Variants in SEPTIN3 observed in about 807,000 individuals in gnomAD.
SEPTIN3 encodes septin 3, also known as neuronal-specific septin-3.
A neutral mutation model predicts 45.1 loss-of-function variants in SEPTIN3; 15 were observed. The observed-to-expected ratio is 0.33, with a 90% confidence interval of 0.22 to 0.51. The LOEUF (loss-of-function observed/expected upper bound fraction) is 0.51. SEPTIN3 is among the 20% of genes least tolerant of loss of function. The pLI, the probability that SEPTIN3 is intolerant of heterozygous loss-of-function variation, is 0.97. For synonymous variants in SEPTIN3, 148 were observed against 164.8 expected, an observed-to-expected ratio of 0.90 and a Z score of 0.78; for missense variants, 289 against 457.2, an observed-to-expected ratio of 0.63 and a Z score of 3.35.
At chr22:41,992,843 G>C (rs2078340801) in intron 9 of SEPTIN3, 80 bp downstream of exon 9, 1 of 936,974 alleles carries the variant, frequency 1.1e-6, no homozygotes, top group Admixed American at 2.0e-5. Context: ...ATAGGTCAAG[G>C]CACTGTCTCA....
intron 8 of SEPTIN3, 40 bp from the exon 9 acceptor site, chr22:41,992,624 C>T (rs750018206): frequency 3.6e-5 from 49 of 1,359,094 alleles, no homozygotes; most frequent in South Asian, 1.9e-4. Flanking sequence ...TGGAGGATGA[C>T]GGTGCACATG....
intron 2 of SEPTIN3, among the ~76,000 whole-genome samples, chr22:41,973,384 C>T (rs558045613): frequency 7.3e-5 from 11 of 151,652 alleles, no homozygotes; most frequent in Admixed American, 3.3e-4. Flanking sequence ...GGGCTGGGCA[C>T]GGTGGCTCAC....
intron 6 of SEPTIN3, among the ~76,000 whole-genome samples, chr22:41,988,812 G>A (rs1420127437): frequency 6.6e-6 from 1 of 152,106 alleles, no homozygotes; most frequent in African/African-American, 2.4e-5. Flanking sequence ...GACCTGTCAA[G>A]AAGTAGTCTG....
Position 41,994,937 on chromosome 22 carries a change from G to A in SEPTIN3, c.2505+223G>A, listed in dbSNP as rs1371532831. On this transcript the variant is annotated intron_variant, in intron 11 of 11. Transcript: ENST00000644076. This position sits in a 1 kb window ranked among gnomAD's most constrained non-coding sequence, Gnocchi z 4.2. The stretch of plus-strand genomic sequence containing the variant: ...TGTGTGTGTGTGACAGAGAGAGAGC[G>A]AGAGAGCCTGTGTGTGTGCATGCAG... The A allele has an allele frequency of 1.7e-5, 24 of 1,443,424 alleles. No homozygotes were observed. Among genetic ancestry groups the A allele is most frequent in the South Asian group, 4.2e-5 (3 of 71,976 alleles). The allele number at this position is 1,443,424 out of a possible 1,614,324, so 89.4% of individuals were successfully genotyped here.
intron 2 of SEPTIN3, among the ~76,000 whole-genome samples, chr22:41,977,853 A>G (rs778938254): frequency 1.3e-5 from 2 of 152,186 alleles, no homozygotes; most frequent in Non-Finnish European, 2.9e-5. Context: ...TTTGCTTAGC[A>G]TGGGAATGGA....
rs2078030103 is a variant in SEPTIN3 at position 41,976,808 on chromosome 22, G to A, written c.1504+3812G>A. 1 of 148,474 alleles carries A rather than the reference G, an allele frequency of 6.7e-6. No individual in the cohort carries two copies. The highest frequency in any genetic ancestry group is 1.5e-5 in the Non-Finnish European group (1 of 66,804). 9.2% of individuals were successfully genotyped at this position (148,474 alleles called of 1,614,324 possible). Reference sequence around the variant, plus strand: ...GTGCGGGTGGCAGCGGCGGCGGCTGGCGGCGGCGGCAACGGTGCGCGCGGA... The same window carrying A: ...GTGCGGGTGGCAGCGGCGGCGGCTGACGGCGGCGGCAACGGTGCGCGCGGA... On this transcript the variant is annotated intron_variant, in intron 2 of 11. Transcript: ENST00000644076. The surrounding 1 kb of genome is among the most constrained non-coding windows in gnomAD (Gnocchi z 5.8).
chr22:41,977,277 G>A (rs2078044271), intron 2 of SEPTIN3, among the ~76,000 whole-genome samples: 1 of 151,974 alleles, frequency 6.6e-6, no homozygotes, highest in African/African-American at 2.4e-5. Flanking sequence ...GCGGGGAGAC[G>A]CAGGGACCCA....
chr22:41,996,875 C>A, intron 11 of SEPTIN3, 27 bp from the exon 12 acceptor site: 1 of 1,613,180 alleles, frequency 6.2e-7, no homozygotes, highest in South Asian at 1.1e-5. Context: ...GTCTCCACAC[C>A]CTCAACCGTT....
At chr22:41,995,778 G>A in intron 11 of SEPTIN3, 1 of 956,316 alleles carries the variant, frequency 1.0e-6, no homozygotes, top group African/African-American at 1.8e-5. Flanking sequence ...GAGCTCACAG[G>A]CAGCCAATGT....
At position 41,973,848 on chromosome 22, in the gene SEPTIN3, G is replaced by A. The variant is rs551628429; in HGVS notation, c.1504+852G>A. Among the ~76,000 whole-genome samples the A allele has an allele frequency of 5.3e-3, 799 of 152,056 alleles. 3 individuals carry two copies. Among genetic ancestry groups the A allele is most frequent in the African/African-American group, 0.018 (754 of 41,458 alleles). ...ATACAAAAGTTAGCCAGGTGTGGTG[G>A]CACATGCCTGTAGTCCCAGCTACTT... On this transcript the variant is annotated intron_variant, in intron 2 of 11. Transcript: ENST00000644076.
Position 41,986,103 on chromosome 22 carries a change from A to G in SEPTIN3, c.1816A>G (p.Ile606Val), listed in dbSNP as rs757232820. ...KIPKTVEIKA[I>V]GHVIEEGGVK... ...CCCCAAGACAGTGGAGATCAAAGCT[A>G]TCGGGCATGGTGAGGACCAGGCAGG... Residue 606 changes from isoleucine (I) to valine (V), a missense_variant, in exon 4 of 12, where the codon ATC becomes GTC. By Grantham distance (29) the Ile-to-Val change is conservative (BLOSUM62 3). Around this residue, in one of 3 missense-constraint regions of SEPTIN3, gnomAD observed 200 missense variants for 315.1 expected, o/e 0.63. Coordinates refer to ENST00000644076, the MANE Select transcript of SEPTIN3 (RefSeq NM_001363845.2). 83 of 1,612,886 alleles carry G rather than the reference A, an allele frequency of 5.1e-5. No homozygotes were observed. The highest frequency in any genetic ancestry group is 3.8e-4 in the Admixed American group (23 of 59,990).
In SEPTIN3 at chr22:41,976,944, G is replaced by C. The variant is rs1246284046; in HGVS notation, c.1504+3948G>C. The C allele has an allele frequency of 6.1e-6, 5 of 824,636 alleles. No homozygotes were observed. In the South Asian group the frequency reaches 1.3e-4, roughly 22 times the overall value. 51.1% of individuals were successfully genotyped at this position (824,636 alleles called of 1,614,324 possible). A position where few individuals can be genotyped will look rare whatever the true frequency, so the allele number is the denominator to read the frequency against. ...CGCGGGCCGGGCGGGTGGGAGGAGA[G>C]CGCGAAGGGGCGAGGCCCGTTTGCA... is the stretch of plus-strand genomic sequence containing the variant. On this transcript the variant is annotated intron_variant, in intron 2 of 11. Transcript: ENST00000644076. This position sits in a 1 kb window ranked among gnomAD's most constrained non-coding sequence, Gnocchi z 5.8.
Position 41,994,405 on chromosome 22 carries a change from T to G in SEPTIN3, c.2411+64T>G. On this transcript the variant is annotated intron_variant, in intron 10 of 11. Transcript: ENST00000644076. This position sits in a 1 kb window ranked among gnomAD's most constrained non-coding sequence, Gnocchi z 4.2. ...GAATTATTTGGGGTCAGGGTCTATC[T>G]GTTCAGATTCACCTCCTGCATCTCC... 6.4e-7 allele frequency: 1 copy of G among 1,571,942 alleles called. No individual in the cohort carries two copies. Among genetic ancestry groups the G allele is most frequent in the Admixed American group, 1.7e-5 (1 of 59,792 alleles).
At chr22:41,973,038 G>A (rs2077974838) in intron 2 of SEPTIN3, 42 bp downstream of exon 2, 1 of 398,710 alleles carries the variant, frequency 2.5e-6, no homozygotes, top group East Asian at 3.6e-5. Flanking sequence ...AGGCTGCCGG[G>A]AGGGGGAGGT....
Position 41,989,604 on chromosome 22 carries a change from A to G in SEPTIN3, c.2083A>G (p.Ser695Gly). 1 of 1,614,096 alleles carries G rather than the reference A, an allele frequency of 6.2e-7. No individual in the cohort carries two copies. Among genetic ancestry groups the G allele is most frequent in the Non-Finnish European group, 8.5e-7 (1 of 1,179,960 alleles). ...GGATCTTGAGTTCATGAAACACCTCAGCAAGGTTGTGAACATCATCCCTGT... is the reference window on the plus strand; with the variant it reads ...GGATCTTGAGTTCATGAAACACCTCGGCAAGGTTGTGAACATCATCCCTGT... ...PLDLEFMKHL[S>G]KVVNIIPVIA... is the part of the protein sequence containing the mutation. The change falls in exon 7 of 12, where the codon AGC becomes GGC. Residue 695 changes from serine to glycine, a missense_variant. Around this residue, in one of 3 missense-constraint regions of SEPTIN3, gnomAD observed 200 missense variants for 315.1 expected, o/e 0.63. Coordinates refer to ENST00000644076, the MANE Select transcript of SEPTIN3 (RefSeq NM_001363845.2).
At chr22:41,985,452 T>A (rs961084842) in intron 3 of SEPTIN3, among the ~76,000 whole-genome samples, 1 of 152,254 alleles carries the variant, frequency 6.6e-6, no homozygotes, top group Non-Finnish European at 1.5e-5. Context: ...GTATTAGTTA[T>A]GTTGCTCTGC....
chr22:41,994,547 G>T lies in SEPTIN3; in HGVS notation c.2412-74G>T, dbSNP rs928337229. On this transcript the variant is annotated intron_variant, in intron 10 of 11. Coordinates refer to ENST00000644076, the MANE Select transcript of SEPTIN3 (RefSeq NM_001363845.2). This position sits in a 1 kb window ranked among gnomAD's most constrained non-coding sequence, Gnocchi z 4.2. ...TCCCATTCACTGGGTCCAGTCCCTC[G>T]AAGTGATGTGTGTCACCGCCTCCTC... The T allele has an allele frequency of 6.9e-6, 11 of 1,604,436 alleles. No homozygotes were observed. In the African/African-American group the frequency reaches 1.1e-4, roughly 16 times the overall value.
chr22:41,987,467 C>A lies in SEPTIN3; in HGVS notation c.1908-155C>A, dbSNP rs568271775. Among the ~76,000 whole-genome samples the A allele has an allele frequency of 2.0e-5, 3 of 152,156 alleles. 1 individual carries two copies. The highest frequency in any genetic ancestry group is 2.0e-4 in the Admixed American group (3 of 15,274). On this transcript the variant is annotated intron_variant, in intron 5 of 11. Coordinates refer to ENST00000644076, the MANE Select transcript of SEPTIN3 (RefSeq NM_001363845.2). ...CTAACTAACCATCCAGGAAAGCCAT[C>A]GGTGCGGGGGCTGAGGGGGAATCTG...
chr22:41,990,601 C>A (rs1019240963), intron 7 of SEPTIN3, among the ~76,000 whole-genome samples: 4 of 150,238 alleles, frequency 2.7e-5, no homozygotes, highest in Non-Finnish European at 4.4e-5. Context: ...AAAAAATTAG[C>A]CGGGTGTGGT....
Sources: allele counts gnomAD v4.1 joint callset (sites outside exome capture counted in the v4.1 genomes callset), GRCh38; gene constraint gnomAD v4.1.1; regional missense constraint gnomAD v4.1.1; non-coding constraint Gnocchi (gnomAD v3.1); transcripts MANE v1.5; gene names NCBI Gene and HGNC (gene_info 2026-07-23, HGNC 2026-07-21).